Variants in PRPF19 observed in about 807,000 individuals in gnomAD.
The protein encoded by PRPF19 is pre-mRNA-processing factor 19.
PRPF19 carries 2 observed loss-of-function variants against 64.2 expected under a neutral mutation model. That is an observed-to-expected ratio of 0.03 (90% confidence interval 0.01 to 0.10). The LOEUF (loss-of-function observed/expected upper bound fraction) is 0.10. Among genes scored for constraint, PRPF19 ranks in the 10% least tolerant of loss-of-function variants. The pLI, the probability that PRPF19 is intolerant of heterozygous loss-of-function variation, is 1.00. For synonymous variants in PRPF19, 226 were observed against 251.6 expected, an observed-to-expected ratio of 0.90 and a Z score of 0.96; for missense variants, 314 against 650.0, an observed-to-expected ratio of 0.48 and a Z score of 5.62.
Position 60,890,559 on chromosome 11 carries a change from ATT to A in PRPF19, c.*605_*606del, listed in dbSNP as rs947135728. ...GGGACATGGCAAATTTCATCTGCAG[ATT>A]TGTTTTTATTTCTGCTGTGCAATTA... is the stretch of plus-strand genomic sequence containing the variant. On this transcript the variant is annotated 3_prime_UTR_variant, in exon 16 of 16. Transcript: ENST00000227524. Among the ~76,000 whole-genome samples, 7 of 143,560 alleles carry A rather than the reference ATT, an allele frequency of 4.9e-5. No homozygotes were observed. Among genetic ancestry groups the A allele is most frequent in the Admixed American group, 2.1e-4 (3 of 14,034 alleles). 94.2% of individuals were successfully genotyped at this position (143,560 alleles called of 152,430 possible). A position where few individuals can be genotyped will look rare whatever the true frequency, so the allele number is the denominator to read the frequency against.
At position 60,898,526 on chromosome 11, in the gene PRPF19, C is replaced by T. The variant is rs1484436083; in HGVS notation, c.1140+15G>A. On this transcript the variant is annotated intron_variant, in intron 13 of 15. Transcript: ENST00000227524. This position sits in a 1 kb window ranked among gnomAD's most constrained non-coding sequence, Gnocchi z 4.6. Reference sequence around the variant, plus strand: ...TCTGGCCCTGGGCCTCAGATGGAGGCCTACCATGTCCTACCTTCAAGTCCC... The same window carrying T: ...TCTGGCCCTGGGCCTCAGATGGAGGTCTACCATGTCCTACCTTCAAGTCCC... 11 of 1,613,936 alleles carry T rather than the reference C, an allele frequency of 6.8e-6. No individual in the cohort carries two copies. The highest frequency in any genetic ancestry group is 9.3e-6 in the Non-Finnish European group (11 of 1,180,012).
Position 60,890,603 on chromosome 11 carries a change from G to T in PRPF19, c.*563C>A. 3.0e-6 allele frequency: 1 copy of T among 334,594 alleles called. No individual in the cohort carries two copies. Among genetic ancestry groups the T allele is most frequent in the Non-Finnish European group, 5.9e-6 (1 of 168,718 alleles). 20.7% of individuals were successfully genotyped at this position (334,594 alleles called of 1,614,324 possible). A position where few individuals can be genotyped will look rare whatever the true frequency, so the allele number is the denominator to read the frequency against. Reference sequence around the variant, plus strand: ...GTGCAATTAAAAAAAAAAAAAAAGGGTAAGAGCTGTGAAAGGAAAGGAAGA... The same window carrying T: ...GTGCAATTAAAAAAAAAAAAAAAGGTTAAGAGCTGTGAAAGGAAAGGAAGA... On this transcript the variant is annotated 3_prime_UTR_variant, in exon 16 of 16. Coordinates refer to ENST00000227524, the MANE Select transcript of PRPF19 (RefSeq NM_014502.5).
rs779232907 is a variant in PRPF19 at position 60,898,393 on chromosome 11, C to T, written c.1141-122G>A. 6 of 1,499,798 alleles carry T rather than the reference C, an allele frequency of 4.0e-6. No homozygotes were observed. Among genetic ancestry groups the T allele is most frequent in the African/African-American group, 1.4e-5 (1 of 71,820 alleles). The allele number at this position is 1,499,798 out of a possible 1,614,324, so 92.9% of individuals were successfully genotyped here. A position where few individuals can be genotyped will look rare whatever the true frequency, so the allele number is the denominator to read the frequency against. ...CTTCCAGGAAGGACAGCCAGCGGGA[C>T]CCCCCAGACCACACCATCATATCAC... On this transcript the variant is annotated intron_variant, in intron 13 of 15. Transcript: ENST00000227524. This position sits in a 1 kb window ranked among gnomAD's most constrained non-coding sequence, Gnocchi z 4.6.
chr11:60,903,995 A>C, intron 1 of PRPF19, 134 bp from the exon 2 acceptor site: 1 of 1,113,028 alleles, frequency 9.0e-7, no homozygotes. Context: ...ATTTGACCCT[A>C]AGCCAGTTCT....
At position 60,901,284 on chromosome 11, in the gene PRPF19, C is replaced by A; in HGVS notation, c.642+11G>T. On this transcript the variant is annotated intron_variant, in intron 8 of 15. Coordinates refer to ENST00000227524, the MANE Select transcript of PRPF19 (RefSeq NM_014502.5). ...GGCTGTCTCCAAGACAGTGGAGACC[C>A]AGACACTCACCACGTGGGATGCCAC... 1 of 1,613,782 alleles carries A rather than the reference C, an allele frequency of 6.2e-7. No individual in the cohort carries two copies.
At chr11:60,904,708 T>G (rs1350478236) in intron 1 of PRPF19, among the ~76,000 whole-genome samples, 1 of 152,230 alleles carries the variant, frequency 6.6e-6, no homozygotes, top group African/African-American at 2.4e-5. Context: ...GAGCTTCCCA[T>G]GCCTTCCCTG....
rs1407976601 is a variant in PRPF19 at position 60,894,404 on chromosome 11, AC to A, written c.1418-3142del. 5.3e-4 allele frequency among the ~76,000 whole-genome samples: 80 copies of A among 152,202 alleles called. 1 individual carries two copies. The highest frequency in any genetic ancestry group is 1.5e-5 in the Non-Finnish European group (1 of 68,028). ...CACCAGTAGAAGATTCCATCAAGAA[AC>A]CACTTTCTTTGGTCATCCCTAAGAG... On this transcript the variant is annotated intron_variant, in intron 15 of 15. Coordinates refer to ENST00000227524, the MANE Select transcript of PRPF19 (RefSeq NM_014502.5).
chr11:60,892,521 C>G (rs1328670857), intron 15 of PRPF19, among the ~76,000 whole-genome samples: 1 of 152,206 alleles, frequency 6.6e-6, no homozygotes, highest in Non-Finnish European at 1.5e-5. Context: ...CAGGATGTGG[C>G]TCCATCGTAT....
Position 60,903,860 on chromosome 11 carries a change from G to A in PRPF19, c.21C>T (p.Ile7=), listed in dbSNP as rs767187718. 1.9e-6 allele frequency: 3 copies of A among 1,608,268 alleles called. No individual in the cohort carries two copies. Among genetic ancestry groups the A allele is most frequent in the South Asian group, 2.2e-5 (2 of 90,490 alleles). Residue 7 remains isoleucine, a splice_region_variant and synonymous_variant, in exon 2 of 16, where the codon ATC becomes ATT. Transcript: ENST00000227524. MSLICS[I]SNEVPEHPCV... is the part of the protein sequence containing the mutation. Reference sequence around the variant, plus strand: ...ATGGGTGCTCCGGCACTTCGTTAGAGACTGTAGAGAAAAGGCTGGTAGTGA... The same window carrying A: ...ATGGGTGCTCCGGCACTTCGTTAGAAACTGTAGAGAAAAGGCTGGTAGTGA...
At position 60,903,736 on chromosome 11, in the gene PRPF19, C is replaced by T. The variant is rs1377410686; in HGVS notation, c.145G>A (p.Glu49Lys). ...CCTTTGATGTCGATGAGCTGCTCCT[C>T]GGAGAGAGGCTGGTTGTTGATGGGG... Reference protein sequence around the residue: ...TDPINNQPLSEEQLIDIKVAH... With the variant: ...TDPINNQPLSKEQLIDIKVAH... Residue 49 changes from glutamate to lysine, a missense_variant, in exon 2 of 16, where the codon GAG becomes AAG. Coordinates refer to ENST00000227524, the MANE Select transcript of PRPF19 (RefSeq NM_014502.5). 2 of 1,598,446 alleles carry T rather than the reference C, an allele frequency of 1.3e-6. No individual in the cohort carries two copies. Among genetic ancestry groups the T allele is most frequent in the East Asian group, 2.2e-5 (1 of 44,734 alleles).
intron 15 of PRPF19, among the ~76,000 whole-genome samples, chr11:60,892,819 G>A (rs542560336): frequency 6.0e-4 from 92 of 152,294 alleles, no homozygotes; most frequent in Middle Eastern, 3.4e-3. Context: ...TCTCACAAGA[G>A]AGAAGACTAG....
chr11:60,904,290 A>C (rs1401797760), intron 1 of PRPF19, among the ~76,000 whole-genome samples: 1 of 152,214 alleles, frequency 6.6e-6, no homozygotes, highest in Non-Finnish European at 1.5e-5. Context: ...ACAGATTATC[A>C]AAGAAATTAT....
Position 60,890,681 on chromosome 11 carries a change from C to A in PRPF19, c.*485G>T, listed in dbSNP as rs2134853567. On this transcript the variant is annotated 3_prime_UTR_variant, in exon 16 of 16. Coordinates refer to ENST00000227524, the MANE Select transcript of PRPF19 (RefSeq NM_014502.5). ...TGTGTGCTCCCTCCCCTTGACCTTC[C>A]CAGTCCCAGGTGCTCCTGGTGCAGA... The A allele has an allele frequency of 1.1e-5, 5 of 453,182 alleles. No individual in the cohort carries two copies. Among genetic ancestry groups the A allele is most frequent in the Non-Finnish European group, 1.8e-5 (4 of 225,206 alleles). 28.1% of individuals were successfully genotyped at this position (453,182 alleles called of 1,614,324 possible). A position where few individuals can be genotyped will look rare whatever the true frequency, so the allele number is the denominator to read the frequency against.
chr11:60,898,620 G>A lies in PRPF19; in HGVS notation c.1061C>T (p.Thr354Ile). The change falls in exon 13 of 16, where the codon ACC becomes ATC. Residue 354 changes from threonine to isoleucine, a missense_variant. Thr to Ile is a moderately conservative substitution (Grantham distance 89). Coordinates refer to ENST00000227524, the MANE Select transcript of PRPF19 (RefSeq NM_014502.5). The surrounding 1 kb of genome is among the most constrained non-coding windows in gnomAD (Gnocchi z 4.6). ...TCCGTCAGGGTGGAACTGTGCACAG[G>A]TGAGAGCTGTGGAGGAGGGAAGAGA... ...VTDETSGCSL[T>I]CAQFHPDGLI... 6.2e-7 allele frequency: 1 copy of A among 1,614,112 alleles called. No individual in the cohort carries two copies. The highest frequency in any genetic ancestry group is 2.2e-5 in the East Asian group (1 of 44,878).
At chr11:60,892,588 T>C (rs138895851) in intron 15 of PRPF19, among the ~76,000 whole-genome samples, 4 of 152,336 alleles carry the variant, frequency 2.6e-5, no homozygotes, top group East Asian at 1.9e-4. Flanking sequence ...ACTGAGTCTA[T>C]AGTTACCATT....
intron 3 of PRPF19, 143 bp from the exon 4 acceptor site, chr11:60,903,024 G>A (rs941568836): frequency 9.4e-6 from 13 of 1,377,050 alleles, no homozygotes; most frequent in Middle Eastern, 2.6e-4. Flanking sequence ...GAGCAAACAC[G>A]AATGTGCCGG....
intron 15 of PRPF19, 107 bp from the exon 16 acceptor site, chr11:60,891,370 A>G: frequency 1.2e-6 from 1 of 815,094 alleles, no homozygotes; most frequent in Admixed American, 2.1e-5. Context: ...TCTAATTAGT[A>G]TTTATCACAC....
At chr11:60,905,180 G>T (rs900723743) in intron 1 of PRPF19, among the ~76,000 whole-genome samples, 1 of 152,158 alleles carries the variant, frequency 6.6e-6, no homozygotes, top group Admixed American at 6.5e-5. Flanking sequence ...TCTTGCCTGC[G>T]TAGACTGTGC....
In PRPF19 at chr11:60,898,879, T is replaced by A; in HGVS notation, c.1037A>T (p.Asp346Val). The change falls in exon 12 of 16, where the codon GAT (aspartate) becomes GTT (valine). Residue 346 changes from aspartate (D) to valine (V), a missense_variant. Asp to Val is a radical substitution (Grantham distance 152). Around this residue, in one of 7 missense-constraint regions of PRPF19, gnomAD observed 175 missense variants for 342.9 expected, o/e 0.51. Transcript: ENST00000227524. This position sits in a 1 kb window ranked among gnomAD's most constrained non-coding sequence, Gnocchi z 4.6. Reference protein sequence around the residue: ...QTGRVLTKVTDETSGCSLTCA... With the variant: ...QTGRVLTKVTVETSGCSLTCA... ...CAACTTACAGCAGCCGGAGGTCTCA[T>A]CTGTCACCTTGGTGAGCACACGCCC... 6.2e-7 allele frequency: 1 copy of A among 1,605,378 alleles called. No homozygotes were observed. Among genetic ancestry groups the A allele is most frequent in the Non-Finnish European group, 8.5e-7 (1 of 1,175,750 alleles).
Sources: allele counts gnomAD v4.1 joint callset (sites outside exome capture counted in the v4.1 genomes callset), GRCh38; gene constraint gnomAD v4.1.1; regional missense constraint gnomAD v4.1.1; non-coding constraint Gnocchi (gnomAD v3.1); transcripts MANE v1.5; gene names NCBI Gene and HGNC (gene_info 2026-07-23, HGNC 2026-07-21).